Variants in CC2D2A observed in about 807,000 individuals in gnomAD.
The protein encoded by CC2D2A is coiled-coil and C2 domain-containing protein 2A.
A neutral mutation model predicts 212.9 loss-of-function variants in CC2D2A; 155 were observed. That is an observed-to-expected ratio of 0.73 (90% confidence interval 0.64 to 0.83). CC2D2A has a LOEUF of 0.83. Ranked by LOEUF, CC2D2A falls within the 40% of genes least tolerant of loss-of-function variation. The pLI is 0.00. For missense variants in CC2D2A, 1,856 were observed against 1,956.2 expected, an observed-to-expected ratio of 0.95 and a Z score of 0.97; for synonymous variants, 667 against 686.5, an observed-to-expected ratio of 0.97 and a Z score of 0.44.
chr4:15,505,173 A>G lies in CC2D2A; in HGVS notation c.438+2250A>G, dbSNP rs182082629. On this transcript the variant is annotated intron_variant, in intron 6 of 36. Transcript: ENST00000424120. ...GTTAGATGCTGTATACTCAGAGAGA[A>G]AAGGAGAAACCAGTTAGGAATACTT... is the stretch of plus-strand genomic sequence containing the variant. Among the ~76,000 whole-genome samples the G allele has an allele frequency of 5.4e-3, 821 of 152,356 alleles. 2 individuals carry two copies. Among genetic ancestry groups the G allele is most frequent in the Non-Finnish European group, 8.2e-3 (556 of 68,028 alleles).
chr4:15,480,615 TC>T (rs1714568085), intron 3 of CC2D2A, 88 bp from the exon 4 acceptor site: 1 of 1,437,100 alleles, frequency 7.0e-7, no homozygotes, highest in Non-Finnish European at 9.4e-7. Flanking sequence ...CTAAGGCCTG[TC>T]CCCTCACTGG....
At chr4:15,564,447 A>T (rs149591110) in intron 24 of CC2D2A, among the ~76,000 whole-genome samples, 2,651 of 152,288 alleles carry the variant, frequency 0.017, 41 homozygotes, top group Non-Finnish European at 0.026. Context: ...TTCAAGCACC[A>T]TGGTAGGCAG....
At chr4:15,548,073 C>T (rs1274382042) in intron 17 of CC2D2A, among the ~76,000 whole-genome samples, 2 of 151,156 alleles carry the variant, frequency 1.3e-5, no homozygotes, top group South Asian at 2.1e-4. Context: ...AATAAAAGAA[C>T]TTCTGCTATC....
chr4:15,485,586 T>C (rs1400640124), intron 4 of CC2D2A, among the ~76,000 whole-genome samples: 1 of 152,206 alleles, frequency 6.6e-6, no homozygotes, highest in African/African-American at 2.4e-5. Flanking sequence ...CAAATTTACA[T>C]TCTCACTAAC....
At chr4:15,567,594 C>G (rs894649609) in intron 25 of CC2D2A, 83 bp from the exon 26 acceptor site, 10 of 1,302,372 alleles carry the variant, frequency 7.7e-6, no homozygotes, top group Middle Eastern at 1.8e-4. Context: ...AAACATACTA[C>G]TTAGTAAATA....
chr4:15,474,669 T>A (rs538519957), intron 1 of CC2D2A, among the ~76,000 whole-genome samples: 70 of 152,196 alleles, frequency 4.6e-4, no homozygotes, highest in Non-Finnish European at 7.9e-4. Flanking sequence ...ATTATTAAGC[T>A]TTGCATGCCT....
In CC2D2A at chr4:15,512,957, A is replaced by G. The variant is rs893893223; in HGVS notation, c.717+1534A>G. On this transcript the variant is annotated intron_variant, in intron 8 of 36. Coordinates refer to ENST00000424120, the MANE Select transcript of CC2D2A (RefSeq NM_001378615.1). ...ACAAAGCAAGACTCTGTCTCAAAAA[A>G]AAAAAAAAGGTTAAAATGGTGGACT... is the stretch of plus-strand genomic sequence containing the variant. Among the ~76,000 whole-genome samples the G allele has an allele frequency of 2.6e-5, 4 of 152,138 alleles. No individual in the cohort carries two copies. The East Asian group carries it at 7.7e-4, about 29-fold the overall frequency.
At chr4:15,597,349 A>T (rs2148494306) in intron 34 of CC2D2A, 58 bp from the exon 35 acceptor site, 1 of 1,181,272 alleles carries the variant, frequency 8.5e-7, no homozygotes, top group East Asian at 2.6e-5. Context: ...TTTTAAAAGG[A>T]TGTTCAAATT....
chr4:15,488,115 G>T (rs150935069), intron 4 of CC2D2A, among the ~76,000 whole-genome samples: 23 of 152,134 alleles, frequency 1.5e-4, no homozygotes, highest in Non-Finnish European at 2.1e-4. Flanking sequence ...CAGTGTTAGG[G>T]TATTCTGTAT....
At chr4:15,512,075 A>C (rs1716597378) in intron 8 of CC2D2A, among the ~76,000 whole-genome samples, 1 of 152,234 alleles carries the variant, frequency 6.6e-6, no homozygotes, top group Non-Finnish European at 1.5e-5. Flanking sequence ...GTTATAGAGG[A>C]TATGGAGAAA....
intron 28 of CC2D2A, among the ~76,000 whole-genome samples, chr4:15,570,852 C>A (rs1222972816): frequency 6.6e-6 from 1 of 152,084 alleles, no homozygotes; most frequent in African/African-American, 2.4e-5. Context: ...CGCGCCATTG[C>A]ACTCCAGCCT....
chr4:15,600,095 C>A (rs993143546), intron 36 of CC2D2A, among the ~76,000 whole-genome samples: 6 of 152,116 alleles, frequency 3.9e-5, no homozygotes, highest in Non-Finnish European at 7.4e-5. Flanking sequence ...AGACGATATA[C>A]CCTCTTTACT....
chr4:15,534,090 T>C (rs1717992880), intron 14 of CC2D2A, among the ~76,000 whole-genome samples: 2 of 152,238 alleles, frequency 1.3e-5, no homozygotes, highest in South Asian at 4.1e-4. Context: ...GTGAGCATTT[T>C]TTCATACATG....
At chr4:15,524,424 C>T (rs1308094377) in intron 11 of CC2D2A, among the ~76,000 whole-genome samples, 1 of 148,074 alleles carries the variant, frequency 6.8e-6, no homozygotes, top group Non-Finnish European at 1.5e-5. Context: ...AGCCACTGCA[C>T]TCGGCCTTCT....
intron 24 of CC2D2A, 75 bp downstream of exon 24, chr4:15,563,597 T>A (rs1719724822): frequency 6.9e-7 from 1 of 1,452,118 alleles, no homozygotes; most frequent in African/African-American, 1.4e-5. Flanking sequence ...TACAGCATAC[T>A]CACTCTCATT....
chr4:15,552,870 T>C (rs902155756), intron 18 of CC2D2A, among the ~76,000 whole-genome samples: 10 of 152,256 alleles, frequency 6.6e-5, no homozygotes, highest in African/African-American at 2.4e-4. Context: ...TTAAAAACTA[T>C]GGCTCAGAAA....
At chr4:15,570,870 A>AGGGCACTCCAGCAT (rs1278604970) in intron 28 of CC2D2A, among the ~76,000 whole-genome samples, 1 of 152,126 alleles carries the variant, frequency 6.6e-6, no homozygotes, top group Non-Finnish European at 1.5e-5. Flanking sequence ...CCTGGGTGAG[A>AGGGCACTCCAGCAT]GGGCGAGACT....
At chr4:15,517,130 G>A (rs1289155365) in intron 11 of CC2D2A, among the ~76,000 whole-genome samples, 4 of 151,704 alleles carry the variant, frequency 2.6e-5, no homozygotes, top group Non-Finnish European at 5.9e-5. Context: ...TGTATTTTTA[G>A]TAGAGATGGG....
At chr4:15,535,266 A>AT (rs35795991) in intron 14 of CC2D2A, among the ~76,000 whole-genome samples, 1 of 151,766 alleles carries the variant, frequency 6.6e-6, no homozygotes. Context: ...TTGCCAGATT[A>AT]TTTTCTCTCT....
Sources: allele counts gnomAD v4.1 joint callset (sites outside exome capture counted in the v4.1 genomes callset), GRCh38; gene constraint gnomAD v4.1.1; transcripts MANE v1.5; gene names NCBI Gene and HGNC (gene_info 2026-07-23, HGNC 2026-07-21).